LRRC8A: variants seen among roughly 807,000 people sequenced by gnomAD.
LRRC8A encodes the protein volume-regulated anion channel subunit LRRC8A.
In LRRC8A, 24 loss-of-function variants were observed where a neutral mutation model predicts 52.5. That is an observed-to-expected ratio of 0.46 (90% CI 0.33 to 0.64). The LOEUF (loss-of-function observed/expected upper bound fraction) is 0.64. LRRC8A is among the 30% of genes least tolerant of loss of function. The pLI is 0.02. For missense variants in LRRC8A, 677 were observed against 1,094.7 expected, an observed-to-expected ratio of 0.62 and a Z score of 5.38; for synonymous variants, 492 against 494.2, an observed-to-expected ratio of 1.00 and a Z score of 0.06.
intron 2 of LRRC8A, among the ~76,000 whole-genome samples, chr9:128,889,168 A>G (rs1314163468): frequency 6.6e-6 from 1 of 151,858 alleles, no homozygotes; most frequent in African/African-American, 2.4e-5. Context: ...TTCACCCTCC[A>G]TTACCCTCTT....
chr9:128,897,003 C>T (rs545900815), intron 2 of LRRC8A, among the ~76,000 whole-genome samples: 5 of 152,086 alleles, frequency 3.3e-5, no homozygotes, highest in South Asian at 2.1e-4. Flanking sequence ...GGATTACAGG[C>T]GTGAGCAGTT....
In LRRC8A at chr9:128,916,149, C is replaced by T. The variant is rs1407607120; in HGVS notation, c.2211C>T (p.His737=). Residue 737 remains histidine (H), a synonymous_variant, in exon 4 of 4, where the codon CAC becomes CAT. Coordinates refer to ENST00000372600, the MANE Select transcript of LRRC8A (RefSeq NM_019594.4). This position sits in a 1 kb window ranked among gnomAD's most constrained non-coding sequence, Gnocchi z 6.1. ...LFQCRKLRAL[H]LGNNVLQSLP... ...AGTGCCGGAAGCTGCGGGCCCTGCA[C>T]CTGGGCAACAACGTGCTGCAGTCAC... 1.9e-6 allele frequency: 3 copies of T among 1,613,260 alleles called. No individual in the cohort carries two copies. The highest frequency in any genetic ancestry group is 2.5e-6 in the Non-Finnish European group (3 of 1,179,736).
At chr9:128,901,830 C>T (rs773605469) in intron 2 of LRRC8A, among the ~76,000 whole-genome samples, 79 of 152,116 alleles carry the variant, frequency 5.2e-4, no homozygotes, top group Non-Finnish European at 8.4e-4. Context: ...TCTGACCACC[C>T]GGCTGGCTCC....
chr9:128,904,288 G>A (rs1050838558), intron 2 of LRRC8A, among the ~76,000 whole-genome samples: 22 of 152,236 alleles, frequency 1.4e-4, no homozygotes, highest in Non-Finnish European at 3.1e-4. Context: ...GGAGGCCGTG[G>A]CAGGTGGATC....
chr9:128,901,563 C>G (rs1400267387), intron 2 of LRRC8A, among the ~76,000 whole-genome samples: 1 of 152,150 alleles, frequency 6.6e-6, no homozygotes, highest in Non-Finnish European at 1.5e-5. Context: ...GAGTTTGAGA[C>G]CAGCCTGGAC....
At chr9:128,884,351 G>T (rs1839303547) in intron 1 of LRRC8A, among the ~76,000 whole-genome samples, 1 of 152,220 alleles carries the variant, frequency 6.6e-6, no homozygotes, top group Non-Finnish European at 1.5e-5. Context: ...TGGGATGGAT[G>T]TGGGGCTCTT....
rs535665665 is a variant in LRRC8A at position 128,911,557 on chromosome 9, A to G, written c.2157+2236A>G. On this transcript the variant is annotated intron_variant, in intron 3 of 3. Coordinates refer to ENST00000372600, the MANE Select transcript of LRRC8A (RefSeq NM_019594.4). The surrounding 1 kb of genome is among the most constrained non-coding windows in gnomAD (Gnocchi z 4.9). ...CTGGGACTTCCTCACAGCTCCTGCC[A>G]TTCCTGCCCTGTCCCGGGTGCTGTG... Among the ~76,000 whole-genome samples the G allele has an allele frequency of 8.5e-5, 13 of 152,168 alleles. No individual in the cohort carries two copies. Among genetic ancestry groups the G allele is most frequent in the African/African-American group, 3.1e-4 (13 of 41,510 alleles).
At chr9:128,891,856 C>T (rs989464296) in intron 2 of LRRC8A, among the ~76,000 whole-genome samples, 16 of 152,084 alleles carry the variant, frequency 1.1e-4, no homozygotes, top group African/African-American at 3.4e-4. Flanking sequence ...AATGGAAAGT[C>T]GGGCTTGGGG....
intron 3 of LRRC8A, among the ~76,000 whole-genome samples, chr9:128,915,499 G>C (rs1473910345): frequency 6.6e-6 from 1 of 152,050 alleles, no homozygotes; most frequent in East Asian, 1.9e-4. Flanking sequence ...TAATTTTTTT[G>C]TATTTTTAGT....
intron 3 of LRRC8A, among the ~76,000 whole-genome samples, chr9:128,910,341 G>A (rs1249645523): frequency 6.6e-6 from 1 of 152,172 alleles, no homozygotes; most frequent in East Asian, 1.9e-4. Flanking sequence ...AGCAGCTGTC[G>A]TGCCGGGCCC....
chr9:128,910,629 G>A (rs1364633918), intron 3 of LRRC8A, among the ~76,000 whole-genome samples: 2 of 152,210 alleles, frequency 1.3e-5, no homozygotes, highest in African/African-American at 4.8e-5. Flanking sequence ...GTTCAAGACT[G>A]CAGTGAGCTA....
At chr9:128,906,316 A>ATTTTTTTTTTTTTTT (rs71383620) in intron 2 of LRRC8A, among the ~76,000 whole-genome samples, 1 of 79,270 alleles carries the variant, frequency 1.3e-5, no homozygotes, top group African/African-American at 5.3e-5. Context: ...CCCATGTGGA[A>ATTTTTTTTTTTTTTT]TTTTTTTTTT....
chr9:128,906,636 T>A (rs1251947884), intron 2 of LRRC8A, among the ~76,000 whole-genome samples: 1 of 152,186 alleles, frequency 6.6e-6, no homozygotes, highest in African/African-American at 2.4e-5. Flanking sequence ...CCTTGCTCTT[T>A]GTTTTATGGA....
In LRRC8A at chr9:128,916,545, T is replaced by C. The variant is rs1840830910; in HGVS notation, c.*174T>C. On this transcript the variant is annotated 3_prime_UTR_variant, in exon 4 of 4. Coordinates refer to ENST00000372600, the MANE Select transcript of LRRC8A (RefSeq NM_019594.4). The surrounding 1 kb of genome is among the most constrained non-coding windows in gnomAD (Gnocchi z 6.1). ...AGCGAGAGGACAGTATCTGTGGGGC[T>C]GGCCCCTTTTCTCCCTCTGAGACTC... 1 of 813,762 alleles carries C rather than the reference T, an allele frequency of 1.2e-6. No homozygotes were observed. The highest frequency in any genetic ancestry group is 1.9e-6 in the Non-Finnish European group (1 of 535,186). 50.4% of individuals were successfully genotyped at this position (813,762 alleles called of 1,614,324 possible).
intron 1 of LRRC8A, chr9:128,885,152 T>A (rs1401796686): frequency 6.6e-6 from 1 of 152,170 alleles, no homozygotes; most frequent in Non-Finnish European, 1.5e-5. Context: ...GCCACTCCCA[T>A]GCACAGTTCT....
At chr9:128,910,472 C>T (rs1365302483) in intron 3 of LRRC8A, among the ~76,000 whole-genome samples, 2 of 152,216 alleles carry the variant, frequency 1.3e-5, no homozygotes, top group Non-Finnish European at 2.9e-5. Context: ...GTGGGGCGGT[C>T]ACTTGAGCTC....
chr9:128,908,623 G>A lies in LRRC8A; in HGVS notation c.1459G>A (p.Ala487Thr), dbSNP rs772074379. 14 of 1,612,516 alleles carry A rather than the reference G, an allele frequency of 8.7e-6. No individual in the cohort carries two copies. Among genetic ancestry groups the A allele is most frequent in the South Asian group, 7.7e-5 (7 of 91,056 alleles). Reference protein sequence around the residue: ...YHTAAKIEAPALAFLRENLRA... With the variant: ...YHTAAKIEAPTLAFLRENLRA... ...CACAGCGGCCAAGATTGAAGCGCCCGCGCTGGCCTTCCTGCGTGAGAACCT... is the reference window on the plus strand; with the variant it reads ...CACAGCGGCCAAGATTGAAGCGCCCACGCTGGCCTTCCTGCGTGAGAACCT... The change falls in exon 3 of 4, where the codon GCG becomes ACG. Residue 487 changes from alanine (A) to threonine (T), a missense_variant. By Grantham distance (58) the Ala-to-Thr change is moderately conservative. Around this residue, in one of 4 missense-constraint regions of LRRC8A, gnomAD observed 422 missense variants for 741.5 expected, o/e 0.57. Transcript: ENST00000372600.
At chr9:128,900,572 G>A (rs1170754681) in intron 2 of LRRC8A, among the ~76,000 whole-genome samples, 1 of 152,006 alleles carries the variant, frequency 6.6e-6, no homozygotes, top group East Asian at 1.9e-4. Flanking sequence ...GCCGGGCATG[G>A]TGGTGGGCGC....
chr9:128,906,649 T>A lies in LRRC8A; in HGVS notation c.-8-508T>A, dbSNP rs1840263134. ...AACCTTGCTCTTTGTTTTATGGAAG[T>A]GAGTTCATGTTGTGCCCCCTCTGCA... On this transcript the variant is annotated intron_variant, in intron 2 of 3. Transcript: ENST00000372600. Among the ~76,000 whole-genome samples, 2 of 152,296 alleles carry A rather than the reference T, an allele frequency of 1.3e-5. 1 individual carries two copies. Among genetic ancestry groups the A allele is most frequent in the South Asian group, 4.1e-4 (2 of 4,822 alleles).
Sources: gnomAD v4.1 joint callset for allele counts (sites outside exome capture counted in the v4.1 genomes callset) on GRCh38, gnomAD v4.1.1 for gene constraint, gnomAD v4.1.1 regional missense constraint, Gnocchi (gnomAD v3.1) non-coding constraint, MANE v1.5 for transcripts, NCBI Gene and HGNC (gene_info 2026-07-23, HGNC 2026-07-21) for gene names.